The following RPRD1B variants were observed in gnomAD, a reference collection of about 807,000 sequenced individuals.
RPRD1B encodes the protein regulation of nuclear pre-mRNA domain containing 1B.
In RPRD1B, 11 loss-of-function variants were observed where a neutral mutation model predicts 41.5. The ratio of observed to expected loss-of-function variants is 0.27; its 90% CI spans 0.17 to 0.44. RPRD1B has a LOEUF of 0.44. Ranked by LOEUF, RPRD1B falls within the 20% of genes least tolerant of loss-of-function variation. RPRD1B has a pLI of 1.00. For missense variants in RPRD1B, 248 were observed against 389.9 expected, an observed-to-expected ratio of 0.64 and a Z score of 3.06; for synonymous variants, 158 against 155.6, an observed-to-expected ratio of 1.02 and a Z score of -0.12.
At chr20:38,034,387 C>T (rs2073971451) in intron 1 of RPRD1B, among the ~76,000 whole-genome samples, 1 of 152,210 alleles carries the variant, frequency 6.6e-6, no homozygotes, top group African/African-American at 2.4e-5. Flanking sequence ...GTTATTATCT[C>T]GGCTGCATTC....
intron 6 of RPRD1B, among the ~76,000 whole-genome samples, chr20:38,072,067 G>A (rs1230997032): frequency 4.6e-5 from 7 of 152,078 alleles, no homozygotes; most frequent in African/African-American, 1.2e-4. Context: ...TGCTTTTGGT[G>A]TCACATGTAA....
intron 6 of RPRD1B, among the ~76,000 whole-genome samples, chr20:38,074,898 A>G (rs2074444534): frequency 6.6e-6 from 1 of 152,206 alleles, no homozygotes; most frequent in African/African-American, 2.4e-5. Context: ...TTTAAAATTA[A>G]ACTGAATGAT....
intron 2 of RPRD1B, among the ~76,000 whole-genome samples, chr20:38,044,464 C>G (rs1246348937): frequency 6.6e-6 from 1 of 151,076 alleles, no homozygotes; most frequent in African/African-American, 2.4e-5. Context: ...AGCTCCGCCT[C>G]TCGGGTTCAT....
At chr20:38,069,733 G>T (rs2074393076) in intron 6 of RPRD1B, among the ~76,000 whole-genome samples, 1 of 152,182 alleles carries the variant, frequency 6.6e-6, no homozygotes, top group Non-Finnish European at 1.5e-5. Context: ...AAGATAGGTT[G>T]TCAGTAAGGA....
At chr20:38,059,807 T>C (rs2074279214) in intron 5 of RPRD1B, among the ~76,000 whole-genome samples, 1 of 152,106 alleles carries the variant, frequency 6.6e-6, no homozygotes, top group African/African-American at 2.4e-5. Flanking sequence ...ATTGTGTGCG[T>C]GTGGGGTGGG....
At position 38,090,616 on chromosome 20, in the gene RPRD1B, C is replaced by T; in HGVS notation, c.*741C>T. 1 of 985,534 alleles carries T rather than the reference C, an allele frequency of 1.0e-6. No individual in the cohort carries two copies. The highest frequency in any genetic ancestry group is 1.2e-6 in the Non-Finnish European group (1 of 829,940). The allele number at this position is 985,534 out of a possible 1,614,324, so 61.0% of individuals were successfully genotyped here. Reference sequence around the variant, plus strand: ...CTAGATACAACCTTCCCATGCTGCACTTCTCCACTGTCGGAGCACGTTCCG... The same window carrying T: ...CTAGATACAACCTTCCCATGCTGCATTTCTCCACTGTCGGAGCACGTTCCG... On this transcript the variant is annotated 3_prime_UTR_variant, in exon 7 of 7. Coordinates refer to ENST00000373433, the MANE Select transcript of RPRD1B (RefSeq NM_021215.4).
intron 1 of RPRD1B, among the ~76,000 whole-genome samples, chr20:38,037,805 T>A (rs1197643370): frequency 6.6e-6 from 1 of 152,114 alleles, no homozygotes; most frequent in African/African-American, 2.4e-5. Flanking sequence ...TACTGAGAAG[T>A]ATATATCAGG....
At chr20:38,060,270 C>G (rs1386397960) in intron 5 of RPRD1B, among the ~76,000 whole-genome samples, 1 of 152,158 alleles carries the variant, frequency 6.6e-6, no homozygotes, top group Non-Finnish European at 1.5e-5. Flanking sequence ...TATGTTCCTC[C>G]CCTTACAAAA....
At position 38,033,896 on chromosome 20, in the gene RPRD1B, C is replaced by T. The variant is rs2073960254; in HGVS notation, c.-52C>T. ...CCCGGCCTCGTGCCGTCGCTCTTCC[C>T]GCCGCACTGGGCGGCCCAGGCCGCT... On this transcript the variant is annotated 5_prime_UTR_variant, in exon 1 of 7. Transcript: ENST00000373433. 2 of 1,523,732 alleles carry T rather than the reference C, an allele frequency of 1.3e-6. No individual in the cohort carries two copies. The highest frequency in any genetic ancestry group is 2.4e-5 in the East Asian group (1 of 42,464). 94.4% of individuals were successfully genotyped at this position (1,523,732 alleles called of 1,614,324 possible).
intron 1 of RPRD1B, among the ~76,000 whole-genome samples, chr20:38,036,173 T>TA (rs1452891199): frequency 3.3e-5 from 5 of 152,218 alleles, no homozygotes; most frequent in African/African-American, 9.6e-5. Flanking sequence ...CCGTTATCCC[T>TA]AATCTTACGT....
intron 3 of RPRD1B, chr20:38,049,753 A>G (rs1328954500): frequency 4.2e-6 from 2 of 471,174 alleles, no homozygotes; most frequent in Admixed American, 4.7e-5. Context: ...TTGGCATGAC[A>G]TGTTTCTTAG....
rs1027183913 is a variant in RPRD1B at position 38,091,122 on chromosome 20, A to C, written c.*1247A>C. 4 of 985,642 alleles carry C rather than the reference A, an allele frequency of 4.1e-6. No individual in the cohort carries two copies. The highest frequency in any genetic ancestry group is 4.8e-6 in the Non-Finnish European group (4 of 829,916). The allele number at this position is 985,642 out of a possible 1,614,324, so 61.1% of individuals were successfully genotyped here. A position where few individuals can be genotyped will look rare whatever the true frequency, so the allele number is the denominator to read the frequency against. On this transcript the variant is annotated 3_prime_UTR_variant, in exon 7 of 7. Coordinates refer to ENST00000373433, the MANE Select transcript of RPRD1B (RefSeq NM_021215.4). ...CAGCCTGCCAATTGTAAATCATTCT[A>C]ATTTGGCAGGCTTATTTTTGACATT...
rs143382061 is a variant in RPRD1B at position 38,055,510 on chromosome 20, A to G, written c.416-2022A>G. Among the ~76,000 whole-genome samples, 1,072 of 149,002 alleles carry G rather than the reference A, an allele frequency of 7.2e-3. 5 individuals carry two copies. Among genetic ancestry groups the G allele is most frequent in the African/African-American group, 0.021 (857 of 40,264 alleles). On this transcript the variant is annotated intron_variant, in intron 3 of 6. Transcript: ENST00000373433. ...CGTTGTCATTCTTTTCATCACTCCC[A>G]CTTTCTTCATTGCTAAGTTGGCCTC...
rs532241693 is a variant in RPRD1B at position 38,082,560 on chromosome 20, T to G, written c.832-7166T>G. On this transcript the variant is annotated intron_variant, in intron 6 of 6. Coordinates refer to ENST00000373433, the MANE Select transcript of RPRD1B (RefSeq NM_021215.4). Reference sequence around the variant, plus strand: ...CTGCTACCATGCCTGGCTAATTTTTTGTATTTTTAATAGAGACGGGGTTTC... The same window carrying G: ...CTGCTACCATGCCTGGCTAATTTTTGGTATTTTTAATAGAGACGGGGTTTC... Among the ~76,000 whole-genome samples, 88 of 152,254 alleles carry G rather than the reference T, an allele frequency of 5.8e-4. 1 individual carries two copies. The highest frequency in any genetic ancestry group is 1.1e-3 in the Non-Finnish European group (74 of 68,016).
At chr20:38,049,249 A>C (rs760464962) in intron 3 of RPRD1B, among the ~76,000 whole-genome samples, 1 of 151,592 alleles carries the variant, frequency 6.6e-6, no homozygotes, top group Non-Finnish European at 1.5e-5. Context: ...CGCCCAGCTT[A>C]AAACTGATTT....
chr20:38,088,849 G>A (rs1037983625), intron 6 of RPRD1B, among the ~76,000 whole-genome samples: 4 of 152,202 alleles, frequency 2.6e-5, no homozygotes, highest in East Asian at 1.9e-4. Flanking sequence ...TGGATGCAGA[G>A]CAAGGATTTT....
intron 2 of RPRD1B, among the ~76,000 whole-genome samples, chr20:38,042,594 T>A (rs1301932349): frequency 6.6e-6 from 1 of 152,208 alleles, no homozygotes; most frequent in East Asian, 1.9e-4. Context: ...ATTCTGGTTC[T>A]TTTAAGATTC....
At chr20:38,059,010 G>A (rs1402258749) in intron 4 of RPRD1B, among the ~76,000 whole-genome samples, 1 of 152,008 alleles carries the variant, frequency 6.6e-6, no homozygotes, top group Non-Finnish European at 1.5e-5. Flanking sequence ...CACCACACCT[G>A]GCCACAACAC....
intron 5 of RPRD1B, among the ~76,000 whole-genome samples, chr20:38,063,223 C>T (rs1190219842): frequency 6.6e-6 from 1 of 152,146 alleles, no homozygotes; most frequent in Non-Finnish European, 1.5e-5. Flanking sequence ...CTCACCCTGA[C>T]CACCTTTTTG....
Sources: gnomAD v4.1 joint callset for allele counts (sites outside exome capture counted in the v4.1 genomes callset) on GRCh38, gnomAD v4.1.1 for gene constraint, MANE v1.5 for transcripts, NCBI Gene and HGNC (gene_info 2026-07-23, HGNC 2026-07-21) for gene names.